Variants in ZNF423 observed in about 807,000 individuals in gnomAD.
ZNF423 encodes zinc finger protein 423.
Under a neutral mutation model 95.8 loss-of-function variants are expected in ZNF423, and 12 were observed. The ratio of observed to expected loss-of-function variants is 0.13; its 90% CI spans 0.08 to 0.20. ZNF423 has a LOEUF of 0.20. Ranked by LOEUF, ZNF423 falls within the 10% of genes least tolerant of loss-of-function variation. The pLI, the probability that ZNF423 is intolerant of heterozygous loss-of-function variation, is 1.00. For missense variants in ZNF423, 1,316 were observed against 1,737.1 expected (o/e 0.76, Z 4.31); for synonymous variants, 749 against 711.9 (o/e 1.05, Z -0.83).
intron 5 of ZNF423, among the ~76,000 whole-genome samples, chr16:49,605,175 G>A (rs1971499591): frequency 6.6e-6 from 1 of 152,128 alleles, no homozygotes; most frequent in Admixed American, 6.5e-5. Context: ...ACCAGCAGAT[G>A]TAGTATCGAC....
chr16:49,518,317 C>T (rs904825685), intron 7 of ZNF423: 11 of 398,462 alleles, frequency 2.8e-5, no homozygotes, highest in Non-Finnish European at 4.9e-5. Context: ...GTCATTGATA[C>T]TGTTTCTGAA....
intron 2 of ZNF423, among the ~76,000 whole-genome samples, chr16:49,743,862 C>T (rs1234807517): frequency 2.0e-5 from 3 of 152,136 alleles, no homozygotes; most frequent in Non-Finnish European, 2.9e-5. Context: ...CAGCCTGGTG[C>T]GCAGCCACGT....
At chr16:49,646,286 C>T (rs1478366256) in intron 3 of ZNF423, among the ~76,000 whole-genome samples, 2 of 152,158 alleles carry the variant, frequency 1.3e-5, no homozygotes, top group Non-Finnish European at 2.9e-5. Flanking sequence ...TTTCCAGACA[C>T]GAAATGATCC....
chr16:49,813,115 A>G (rs2034779790), intron 1 of ZNF423, among the ~76,000 whole-genome samples: 1 of 151,870 alleles, frequency 6.6e-6, no homozygotes, highest in African/African-American at 2.4e-5. Flanking sequence ...GGCTTTGGGG[A>G]AGTTCTTGCT....
chr16:49,553,224 AGGTACT>A (rs1231364494), intron 5 of ZNF423, among the ~76,000 whole-genome samples: 1 of 152,212 alleles, frequency 6.6e-6, no homozygotes, highest in African/African-American at 2.4e-5. Flanking sequence ...GAAGGGTTAG[AGGTACT>A]ACCTGTGCAG....
intron 3 of ZNF423, among the ~76,000 whole-genome samples, chr16:49,702,884 C>T (rs1036011873): frequency 1.3e-5 from 2 of 150,242 alleles, no homozygotes; most frequent in Non-Finnish European, 3.0e-5. Flanking sequence ...GAGCGAGTGC[C>T]AAGCCAACCT....
chr16:49,629,630 G>A (rs762777846), intron 4 of ZNF423, among the ~76,000 whole-genome samples: 1 of 152,216 alleles, frequency 6.6e-6, no homozygotes, highest in African/African-American at 2.4e-5. Flanking sequence ...ATACATTGTT[G>A]TGTCAGGGTG....
chr16:49,792,018 A>AAAGAAAG (rs1555486465), intron 1 of ZNF423, among the ~76,000 whole-genome samples: 200 of 138,272 alleles, frequency 1.4e-3, no homozygotes, highest in African/African-American at 5.2e-3. Context: ...AAAAAAAAAA[A>AAAGAAAG]AAAGAAAGAA....
rs148101280 is a variant in ZNF423, at chr16:49,789,479, G to A, written c.100+8C>T. The A allele has an allele frequency of 2.1e-4, 331 of 1,611,724 alleles. No homozygotes were observed. The highest frequency in any genetic ancestry group is 9.8e-4 in the Admixed American group (58 of 59,400). On this transcript the variant is annotated splice_region_variant and intron_variant, in intron 2 of 7. Coordinates refer to ENST00000563137, the MANE Select transcript of ZNF423 (RefSeq NM_001379286.1). ...CTGCAACTCTTCCACCAGCCCCCGGGCATTTACCTGCTGCTGTCACGGAGG... is the reference window on the plus strand; with the variant it reads ...CTGCAACTCTTCCACCAGCCCCCGGACATTTACCTGCTGCTGTCACGGAGG...
intron 4 of ZNF423, among the ~76,000 whole-genome samples, chr16:49,634,045 T>C (rs1972596114): frequency 6.6e-6 from 1 of 151,954 alleles, no homozygotes; most frequent in Non-Finnish European, 1.5e-5. Context: ...TATCTGGGAC[T>C]ACAGGTGTAT....
At chr16:49,548,944 T>G (rs1391405780) in intron 5 of ZNF423, among the ~76,000 whole-genome samples, 2 of 152,220 alleles carry the variant, frequency 1.3e-5, no homozygotes, top group Non-Finnish European at 2.9e-5. Flanking sequence ...ACCAGGCAGC[T>G]TCCTCTACAA....
chr16:49,550,546 A>G (rs1457696454), intron 5 of ZNF423, among the ~76,000 whole-genome samples: 2 of 152,258 alleles, frequency 1.3e-5, no homozygotes, highest in African/African-American at 4.8e-5. Flanking sequence ...CCCAGCCAGA[A>G]CCAAAGCCCA....
intron 2 of ZNF423, among the ~76,000 whole-genome samples, chr16:49,786,317 CA>C (rs2034312895): frequency 6.6e-6 from 1 of 152,196 alleles, no homozygotes; most frequent in Admixed American, 6.5e-5. Context: ...GCAGGGTGGC[CA>C]GGGGAGGCCA....
intron 2 of ZNF423, chr16:49,764,704 G>A (rs1358814008): frequency 2.0e-5 from 3 of 152,068 alleles, no homozygotes; most frequent in African/African-American, 4.8e-5. Flanking sequence ...GGATCGGCGG[G>A]GCTGCTGAGC....
At chr16:49,682,797 A>ATTTTACATCCAGCTAC (rs2031416767) in intron 3 of ZNF423, among the ~76,000 whole-genome samples, 1 of 152,234 alleles carries the variant, frequency 6.6e-6, no homozygotes, top group South Asian at 2.1e-4. Flanking sequence ...AACGATGTCC[A>ATTTTACATCCAGCTAC]AAGAACTCAA....
intron 5 of ZNF423, among the ~76,000 whole-genome samples, chr16:49,583,686 T>A (rs1248826598): frequency 6.6e-6 from 1 of 152,196 alleles, no homozygotes; most frequent in Non-Finnish European, 1.5e-5. Context: ...GGGTGGATAC[T>A]GTACCAAATC....
intron 1 of ZNF423, among the ~76,000 whole-genome samples, chr16:49,815,910 A>ATT (rs1567356495): frequency 2.5e-5 from 1 of 40,564 alleles, no homozygotes; most frequent in Non-Finnish European, 4.4e-5. Context: ...ATATATATAT[A>ATT]TATATTTTTT....
intron 5 of ZNF423, among the ~76,000 whole-genome samples, chr16:49,598,049 G>A (rs1216987419): frequency 6.6e-6 from 1 of 152,132 alleles, no homozygotes; most frequent in Non-Finnish European, 1.5e-5. Flanking sequence ...GGTCCTCATG[G>A]GGAGAGCTTG....
intron 3 of ZNF423, among the ~76,000 whole-genome samples, chr16:49,721,168 G>A (rs917198788): frequency 6.6e-6 from 1 of 152,130 alleles, no homozygotes; most frequent in Non-Finnish European, 1.5e-5. Flanking sequence ...TCAGTTCCTG[G>A]AGCCAATGAA....
Sources: allele counts gnomAD v4.1 joint callset (sites outside exome capture counted in the v4.1 genomes callset), GRCh38; gene constraint gnomAD v4.1.1; transcripts MANE v1.5; gene names NCBI Gene and HGNC (gene_info 2026-07-23, HGNC 2026-07-21).